Variants in EFCAB6 observed in about 807,000 individuals in gnomAD.
EFCAB6 encodes the protein EF-hand calcium binding domain 6.
Under a neutral mutation model 169.8 loss-of-function variants are expected in EFCAB6, and 156 were observed. The observed-to-expected ratio is 0.92, with a 90% confidence interval of 0.81 to 1.05. EFCAB6 has a LOEUF of 1.05. EFCAB6 is among the 50% of genes least tolerant of loss of function. The pLI is 0.00. For missense variants in EFCAB6, 1,800 were observed against 1,829.1 expected, an observed-to-expected ratio of 0.98 and a Z score of 0.29; for synonymous variants, 698 against 676.4, an observed-to-expected ratio of 1.03 and a Z score of -0.50.
At chr22:43,742,859 C>A (rs1048501247) in intron 6 of EFCAB6, among the ~76,000 whole-genome samples, 1 of 152,234 alleles carries the variant, frequency 6.6e-6, no homozygotes, top group Non-Finnish European at 1.5e-5. Context: ...GTCCTTAGAG[C>A]CAGGTAGCTG....
chr22:43,745,026 C>A (rs1444234845), intron 6 of EFCAB6, among the ~76,000 whole-genome samples: 1 of 152,174 alleles, frequency 6.6e-6, no homozygotes, highest in Non-Finnish European at 1.5e-5. Flanking sequence ...TCCTATGGGA[C>A]AAGAGAGGGA....
At chr22:43,668,831 A>G (rs771605215) in intron 16 of EFCAB6, 41 bp downstream of exon 16, 2 of 1,504,138 alleles carry the variant, frequency 1.3e-6, no homozygotes, top group Non-Finnish European at 1.8e-6. Flanking sequence ...CATGACAGAC[A>G]CTGTGGTTTT....
intron 8 of EFCAB6, among the ~76,000 whole-genome samples, chr22:43,722,899 T>C (rs1185637194): frequency 6.6e-6 from 1 of 152,190 alleles, no homozygotes; most frequent in East Asian, 1.9e-4. Context: ...TCAAGTCATT[T>C]GCAGCAACAT....
intron 17 of EFCAB6, among the ~76,000 whole-genome samples, chr22:43,654,150 C>A (rs901017240): frequency 3.9e-5 from 6 of 151,978 alleles, no homozygotes; most frequent in Non-Finnish European, 4.4e-5. Flanking sequence ...GATAATGAGG[C>A]ATGAGTCCAT....
intron 13 of EFCAB6, 99 bp from the exon 14 acceptor site, chr22:43,672,404 C>T (rs542131256): frequency 1.0e-5 from 13 of 1,263,574 alleles, no homozygotes; most frequent in African/African-American, 7.5e-5. Context: ...TAGCTCTGTC[C>T]CTAATTAGCC....
chr22:43,778,890 CT>C (rs148960002), intron 3 of EFCAB6, among the ~76,000 whole-genome samples: 108 of 147,474 alleles, frequency 7.3e-4, no homozygotes, highest in East Asian at 9.9e-4. Context: ...TCTGGCATTA[CT>C]TTTTTTTTTT....
At chr22:43,619,023 A>G (rs2053942454) in intron 20 of EFCAB6, among the ~76,000 whole-genome samples, 1 of 152,180 alleles carries the variant, frequency 6.6e-6, no homozygotes, top group South Asian at 2.1e-4. Context: ...AGACCCAGAA[A>G]AGTAGCCCTT....
At chr22:43,577,019 T>C (rs1292346213) in intron 25 of EFCAB6, among the ~76,000 whole-genome samples, 2 of 152,186 alleles carry the variant, frequency 1.3e-5, no homozygotes, top group Non-Finnish European at 2.9e-5. Context: ...ACCCCACCCC[T>C]GTCCTTCACA....
intron 31 of EFCAB6, among the ~76,000 whole-genome samples, chr22:43,530,075 G>A (rs550435283): frequency 8.3e-4 from 126 of 152,346 alleles, no homozygotes; most frequent in African/African-American, 3.0e-3. Flanking sequence ...TGAGCCTGGT[G>A]TCTGAGACGG....
chr22:43,688,266 T>C (rs1452249790), intron 10 of EFCAB6, among the ~76,000 whole-genome samples: 2 of 152,224 alleles, frequency 1.3e-5, no homozygotes, highest in African/African-American at 2.4e-5. Flanking sequence ...AAAGCCCTGC[T>C]GATTCCTTGA....
intron 12 of EFCAB6, among the ~76,000 whole-genome samples, chr22:43,683,397 G>T (rs2058076241): frequency 6.6e-6 from 1 of 152,114 alleles, no homozygotes; most frequent in Non-Finnish European, 1.5e-5. Context: ...TCTAGGTTAG[G>T]GTGGGGAAGG....
chr22:43,681,350 C>T (rs374282847), intron 12 of EFCAB6, among the ~76,000 whole-genome samples: 2 of 152,266 alleles, frequency 1.3e-5, no homozygotes, highest in Non-Finnish European at 2.9e-5. Flanking sequence ...TTGCTGGATT[C>T]GGTTTGCTAA....
Position 43,540,369 on chromosome 22 carries a change from G to A in EFCAB6, c.3649-12C>T, listed in dbSNP as rs778102613. 2.5e-6 allele frequency: 4 copies of A among 1,613,842 alleles called. No individual in the cohort carries two copies. The South Asian group carries it at 4.4e-5, about 18-fold the overall frequency. Reference sequence around the variant, plus strand: ...CAGAGTCTGTCAAACTGGAGAAGGAGCAGAAGTCATTTCCCAGGTGTCAGT... The same window carrying A: ...CAGAGTCTGTCAAACTGGAGAAGGAACAGAAGTCATTTCCCAGGTGTCAGT... On this transcript the variant is annotated splice_polypyrimidine_tract_variant and intron_variant, in intron 27 of 31. Coordinates refer to ENST00000262726, the MANE Select transcript of EFCAB6 (RefSeq NM_022785.4).
intron 26 of EFCAB6, among the ~76,000 whole-genome samples, chr22:43,558,424 C>T (rs891777433): frequency 1.1e-4 from 17 of 150,110 alleles, no homozygotes; most frequent in Middle Eastern, 3.4e-3. Flanking sequence ...TTTTTTTTTG[C>T]GCTTTGCTTT....
chr22:43,586,863 G>T (rs1372847056), intron 24 of EFCAB6, among the ~76,000 whole-genome samples: 1 of 152,130 alleles, frequency 6.6e-6, no homozygotes, highest in Non-Finnish European at 1.5e-5. Flanking sequence ...ATGAGCCCTT[G>T]CAATGGTTCT....
chr22:43,617,704 T>C (rs139199674), intron 20 of EFCAB6, among the ~76,000 whole-genome samples: 1 of 152,306 alleles, frequency 6.6e-6, no homozygotes, highest in Non-Finnish European at 1.5e-5. Flanking sequence ...AGTCACTATG[T>C]GCTGCTCTAG....
intron 24 of EFCAB6, among the ~76,000 whole-genome samples, chr22:43,586,661 T>G (rs1415524326): frequency 6.6e-6 from 1 of 152,068 alleles, no homozygotes; most frequent in Non-Finnish European, 1.5e-5. Context: ...ACATATCTAG[T>G]TCTGTTACCA....
In EFCAB6 at chr22:43,710,093, C is replaced by A. The variant is rs538218487; in HGVS notation, c.1031+1382G>T. ...CCATTAGCTTCTACTCTATTTCCCCCCAAAAAAGGTTCTCTGTCTTACCTG... is the reference window on the plus strand; with the variant it reads ...CCATTAGCTTCTACTCTATTTCCCCACAAAAAAGGTTCTCTGTCTTACCTG... On this transcript the variant is annotated intron_variant, in intron 10 of 31. Coordinates refer to ENST00000262726, the MANE Select transcript of EFCAB6 (RefSeq NM_022785.4). Among the ~76,000 whole-genome samples the A allele has an allele frequency of 1.3e-3, 193 of 152,220 alleles. 4 individuals carry two copies. The highest frequency in any genetic ancestry group is 5.3e-4 in the Non-Finnish European group (36 of 67,996).
At chr22:43,723,340 G>C (rs939892618) in intron 8 of EFCAB6, among the ~76,000 whole-genome samples, 1 of 152,246 alleles carries the variant, frequency 6.6e-6, no homozygotes, top group African/African-American at 2.4e-5. Flanking sequence ...AATGGAGGGG[G>C]TGTGGATTGA....
Sources: allele counts gnomAD v4.1 joint callset (sites outside exome capture counted in the v4.1 genomes callset), GRCh38; gene constraint gnomAD v4.1.1; transcripts MANE v1.5; gene names NCBI Gene and HGNC (gene_info 2026-07-23, HGNC 2026-07-21).